Variants in TNFRSF1A observed in about 807,000 individuals in gnomAD.
The protein encoded by TNFRSF1A is TNF receptor superfamily member 1A.
In TNFRSF1A, 9 loss-of-function variants were observed where a neutral mutation model predicts 41.6. That is an observed-to-expected ratio of 0.22 (90% CI 0.13 to 0.38). TNFRSF1A has a LOEUF of 0.38. TNFRSF1A is among the 10% of genes least tolerant of loss of function. The pLI, the probability that TNFRSF1A is intolerant of heterozygous loss-of-function variation, is 1.00. For missense variants in TNFRSF1A, 463 were observed against 591.5 expected, an observed-to-expected ratio of 0.78 and a Z score of 2.25; for synonymous variants, 254 against 248.6, an observed-to-expected ratio of 1.02 and a Z score of -0.21.
In TNFRSF1A at chr12:6,337,355, C is replaced by T. The variant is rs1194131428; in HGVS notation, c.40-3111G>A. ...GGGGTGGCCCAACACCCCTCCAACTCCCCCACAATTTCCGCCAGAGGAGGC... is the reference window on the plus strand; with the variant it reads ...GGGGTGGCCCAACACCCCTCCAACTTCCCCACAATTTCCGCCAGAGGAGGC... On this transcript the variant is annotated intron_variant, in intron 1 of 9. Transcript: ENST00000162749. This position sits in a 1 kb window ranked among gnomAD's most constrained non-coding sequence, Gnocchi z 4.6. 6.6e-6 allele frequency among the ~76,000 whole-genome samples: 1 copy of T among 152,188 alleles called. No homozygotes were observed. Among genetic ancestry groups the T allele is most frequent in the African/African-American group, 2.4e-5 (1 of 41,450 alleles).
chr12:6,338,743 G>T (rs1396847056), intron 1 of TNFRSF1A, among the ~76,000 whole-genome samples: 1 of 152,052 alleles, frequency 6.6e-6, no homozygotes, highest in Non-Finnish European at 1.5e-5. Flanking sequence ...GTCCTCCCGA[G>T]CTCAGTCTCC....
intron 1 of TNFRSF1A, among the ~76,000 whole-genome samples, chr12:6,338,040 G>C (rs1329368060): frequency 1.3e-5 from 2 of 152,118 alleles, no homozygotes; most frequent in African/African-American, 2.4e-5. Context: ...CCTTACTTAA[G>C]AGTCTGGTGT....
At chr12:6,340,530 CAGA>C (rs558547558) in intron 1 of TNFRSF1A, among the ~76,000 whole-genome samples, 75 of 152,078 alleles carry the variant, frequency 4.9e-4, no homozygotes, top group Middle Eastern at 3.4e-3. Flanking sequence ...CAGGAGGAGG[CAGA>C]AGAAGAAGAG....
At chr12:6,340,528 G>A (rs1948180993) in intron 1 of TNFRSF1A, among the ~76,000 whole-genome samples, 1 of 152,160 alleles carries the variant, frequency 6.6e-6, no homozygotes, top group South Asian at 2.1e-4. Context: ...GGCAGGAGGA[G>A]GCAGAAGAAG....
At chr12:6,329,710 G>C (rs1006129095) in intron 9 of TNFRSF1A, 68 bp downstream of exon 9, 1 of 1,542,568 alleles carries the variant, frequency 6.5e-7, no homozygotes. Flanking sequence ...GGTCCCCTCT[G>C]GGAGCGCCTC....
intron 5 of TNFRSF1A, among the ~76,000 whole-genome samples, chr12:6,332,546 G>A (rs978041214): frequency 1.3e-5 from 2 of 151,682 alleles, no homozygotes; most frequent in African/African-American, 4.8e-5. Flanking sequence ...CAAACTCTGA[G>A]AGCCCTCAGA....
intron 1 of TNFRSF1A, among the ~76,000 whole-genome samples, chr12:6,335,772 C>G (rs971419635): frequency 1.3e-5 from 2 of 152,186 alleles, no homozygotes; most frequent in Non-Finnish European, 2.9e-5. Context: ...CTCCACATTT[C>G]GGAGCAGGAG....
chr12:6,330,542 C>T, intron 7 of TNFRSF1A, 56 bp downstream of exon 7: 3 of 1,343,838 alleles, frequency 2.2e-6, no homozygotes, highest in South Asian at 1.2e-5. Context: ...ATCGCACCCA[C>T]CCATGTCCTC....
At position 6,329,417 on chromosome 12, in the gene TNFRSF1A, C is replaced by T. The variant is rs1446415787; in HGVS notation, c.1263G>A (p.Leu421=). 1.9e-6 allele frequency: 3 copies of T among 1,579,240 alleles called. No individual in the cohort carries two copies. Among genetic ancestry groups the T allele is most frequent in the Middle Eastern group, 1.7e-4 (1 of 6,034 alleles). ...GGTCCATGTCGCGGAGCACGCGTCC[C>T]AGCAGCTCCAGCGTGGCCTCGCGCC... ...TPRREATLEL[L]GRVLRDMDLL... Residue 421 remains leucine (L), a synonymous_variant, in exon 10 of 10, where the codon CTG becomes CTA. Transcript: ENST00000162749.
Position 6,329,857 on chromosome 12 carries a change from C to T in TNFRSF1A, c.978G>A (p.Ala326=). ...PPYQGADPIL[A]TALASDPIPN... is the part of the protein sequence containing the mutation. ...GGATGGGGTCGGAGGCGAGGGCTGT[C>T]GCAAGGATGGGGTCAGCCCCCTGAT... The change falls in exon 9 of 10, where the codon GCG becomes GCA. Residue 326 remains alanine, a synonymous_variant. Coordinates refer to ENST00000162749, the MANE Select transcript of TNFRSF1A (RefSeq NM_001065.4). 6.2e-7 allele frequency: 1 copy of T among 1,600,012 alleles called. No individual in the cohort carries two copies. Among genetic ancestry groups the T allele is most frequent in the Non-Finnish European group, 8.5e-7 (1 of 1,173,676 alleles).
At chr12:6,332,181 C>G (rs1318371988) in intron 5 of TNFRSF1A, among the ~76,000 whole-genome samples, 11 of 151,812 alleles carry the variant, frequency 7.2e-5, no homozygotes, top group Non-Finnish European at 1.5e-5. Context: ...TGGCTCATGC[C>G]CGTAATCCTA....
chr12:6,338,812 TAG>T (rs1440911070), intron 1 of TNFRSF1A, among the ~76,000 whole-genome samples: 2 of 152,146 alleles, frequency 1.3e-5, no homozygotes, highest in African/African-American at 2.4e-5. Context: ...GTATTTTTTG[TAG>T]AGACAGGGTT....
rs1003662238 is a variant in TNFRSF1A at position 6,337,593 on chromosome 12, C to T, written c.40-3349G>A. On this transcript the variant is annotated intron_variant, in intron 1 of 9. Transcript: ENST00000162749. The surrounding 1 kb of genome is among the most constrained non-coding windows in gnomAD (Gnocchi z 4.6). The stretch of plus-strand genomic sequence containing the variant: ...CCCAGTTGAGATCCCATCTCCCTCC[C>T]GTGAAGCCACCATTGACGATGTCTG... Among the ~76,000 whole-genome samples the T allele has an allele frequency of 6.6e-5, 10 of 152,120 alleles. No individual in the cohort carries two copies. The highest frequency in any genetic ancestry group is 2.1e-4 in the South Asian group (1 of 4,824).
chr12:6,329,808 C>T lies in TNFRSF1A; in HGVS notation c.1027G>A (p.Asp343Asn). 1 of 1,603,074 alleles carries T rather than the reference C, an allele frequency of 6.2e-7. No homozygotes were observed. The highest frequency in any genetic ancestry group is 8.5e-7 in the Non-Finnish European group (1 of 1,176,330). The part of the protein sequence containing the change: ...PIPNPLQKWE[D>N]SAHKPQSLDT... ...AGGCTCTGTGGCTTGTGGGCGCTGT[C>T]CTCCCACTTCTGAAGGGGGTTGGGG... is the stretch of plus-strand genomic sequence containing the variant. Residue 343 changes from aspartate to asparagine, a missense_variant, in exon 9 of 10, where the codon GAC (aspartate) becomes AAC (asparagine). Physicochemically the swap from Asp to Asn is conservative, Grantham distance 23. Transcript: ENST00000162749.
In TNFRSF1A at chr12:6,333,879, C is replaced by T. The variant is rs104895241; in HGVS notation, c.194-14G>A. On this transcript the variant is annotated splice_polypyrimidine_tract_variant and intron_variant, in intron 2 of 9. Coordinates refer to ENST00000162749, the MANE Select transcript of TNFRSF1A (RefSeq NM_001065.4). This position sits in a 1 kb window ranked among gnomAD's most constrained non-coding sequence, Gnocchi z 6.3. ...ACAAGTAGGTTCCTGTGAATGGGGC[C>T]GCAGAGTTAGGCTGCGGGTGAGAAC... The T allele has an allele frequency of 1.8e-4, 288 of 1,601,418 alleles. No homozygotes were observed. The highest frequency in any genetic ancestry group is 2.3e-4 in the Non-Finnish European group (270 of 1,173,530).
Position 6,333,822 on chromosome 12 carries a change from C to T in TNFRSF1A, c.237G>A (p.Thr79=). 1 of 1,596,768 alleles carries T rather than the reference C, an allele frequency of 6.3e-7. No individual in the cohort carries two copies. The highest frequency in any genetic ancestry group is 8.5e-7 in the Non-Finnish European group (1 of 1,171,096). The change falls in exon 3 of 10, where the codon ACG becomes ACA. Residue 79 remains threonine, a synonymous_variant. Coordinates refer to ENST00000162749, the MANE Select transcript of TNFRSF1A (RefSeq NM_001065.4). The surrounding 1 kb of genome is among the most constrained non-coding windows in gnomAD (Gnocchi z 6.3). ...YNDCPGPGQD[T]DCRECESGSF... ...AGCCGCTCTCACACTCCCTGCAGTC[C>T]GTATCCTGCCCCGGGCCTGGACAGT... is the stretch of plus-strand genomic sequence containing the variant.
Position 6,333,264 on chromosome 12 carries a change from C to G in TNFRSF1A, c.472+103G>C. Reference sequence around the variant, plus strand: ...GCCAGAGAGGAGTTGGTTGTCAGACCCACAGAATACAGGAGGGGGAAGGAA... The same window carrying G: ...GCCAGAGAGGAGTTGGTTGTCAGACGCACAGAATACAGGAGGGGGAAGGAA... On this transcript the variant is annotated intron_variant, in intron 4 of 9. Transcript: ENST00000162749. The surrounding 1 kb of genome is among the most constrained non-coding windows in gnomAD (Gnocchi z 6.3). 6.4e-7 allele frequency: 1 copy of G among 1,553,914 alleles called. No homozygotes were observed. The highest frequency in any genetic ancestry group is 8.8e-7 in the Non-Finnish European group (1 of 1,137,862).
At chr12:6,336,452 G>C (rs1308960990) in intron 1 of TNFRSF1A, among the ~76,000 whole-genome samples, 1 of 152,054 alleles carries the variant, frequency 6.6e-6, no homozygotes, top group African/African-American at 2.4e-5. Flanking sequence ...GCACCAGCCT[G>C]CATGCAAGTG....
In TNFRSF1A at chr12:6,330,911, C is replaced by T. The variant is rs776093480; in HGVS notation, c.567G>A (p.Leu189=). ...GGGGTAGGCACAACTTCGTGCACTCCAGGCTTTTCTTACAGCTAAAAGAAG... is the reference window on the plus strand; with the variant it reads ...GGGGTAGGCACAACTTCGTGCACTCTAGGCTTTTCTTACAGCTAAAAGAAG... ...CVSCSNCKKS[L]ECTKLCLPQI... The change falls in exon 6 of 10, where the codon CTG becomes CTA. Residue 189 remains leucine, a synonymous_variant. Transcript: ENST00000162749. 1 of 1,613,570 alleles carries T rather than the reference C, an allele frequency of 6.2e-7. No homozygotes were observed. Among genetic ancestry groups the T allele is most frequent in the South Asian group, 1.1e-5 (1 of 91,044 alleles).
Sources: gnomAD v4.1 joint callset for allele counts (sites outside exome capture counted in the v4.1 genomes callset) on GRCh38, gnomAD v4.1.1 for gene constraint, Gnocchi (gnomAD v3.1) non-coding constraint, MANE v1.5 for transcripts, NCBI Gene and HGNC (gene_info 2026-07-23, HGNC 2026-07-21) for gene names.